L3MBTL4: variants seen among roughly 807,000 people sequenced by gnomAD.
L3MBTL4 encodes the protein L3MBTL histone methyl-lysine binding protein 4.
L3MBTL4 carries 70 observed loss-of-function variants against 84.5 expected under a neutral mutation model. The observed-to-expected ratio is 0.83, with a 90% CI of 0.68 to 1.01. The LOEUF (loss-of-function observed/expected upper bound fraction) is 1.01, where lower values mean the gene tolerates loss of function less well. Among genes scored for constraint, L3MBTL4 ranks in the 50% least tolerant of loss-of-function variants. L3MBTL4 has a pLI of 0.00. For missense variants in L3MBTL4, 715 were observed against 754.8 expected, an observed-to-expected ratio of 0.95 and a Z score of 0.62; for synonymous variants, 274 against 259.8, an observed-to-expected ratio of 1.05 and a Z score of -0.52.
At chr18:6,181,283 C>T (rs897896388) in intron 12 of L3MBTL4, among the ~76,000 whole-genome samples, 5 of 151,850 alleles carry the variant, frequency 3.3e-5, no homozygotes, top group Admixed American at 6.6e-5. Context: ...ATTATTTTGC[C>T]GTCCAGGTAA....
At chr18:6,156,190 A>C (rs1294368076) in intron 13 of L3MBTL4, among the ~76,000 whole-genome samples, 1 of 152,222 alleles carries the variant, frequency 6.6e-6, no homozygotes, top group Non-Finnish European at 1.5e-5. Context: ...CAAAATAGCC[A>C]GACATTGACT....
chr18:6,094,923 CA>C (rs2058581050), intron 14 of L3MBTL4, among the ~76,000 whole-genome samples: 1 of 152,104 alleles, frequency 6.6e-6, no homozygotes, highest in South Asian at 2.1e-4. Flanking sequence ...GGCGCCTTTA[CA>C]TGCATGTTCT....
intron 16 of L3MBTL4, among the ~76,000 whole-genome samples, chr18:6,013,417 T>G (rs1469676495): frequency 6.6e-6 from 1 of 152,210 alleles, no homozygotes; most frequent in Non-Finnish European, 1.5e-5. Context: ...TAAAAAACTT[T>G]CAGTTAAATA....
chr18:6,352,152 G>T (rs1412834369), intron 1 of L3MBTL4, among the ~76,000 whole-genome samples: 1 of 152,126 alleles, frequency 6.6e-6, no homozygotes, highest in South Asian at 2.1e-4. Flanking sequence ...CTCAAAATGT[G>T]GTCACTCTCA....
At position 6,138,261 on chromosome 18, in the gene L3MBTL4, C is replaced by A. The variant is rs1467387997; in HGVS notation, c.1132G>T (p.Val378Phe). ...NDLKILPGQA[V>F]CPTPGCRGIG... ...CCTCGGCACCCGGGAGTAGGACAGA[C>A]AGCTTGACCTGGAAGGATCTTCAGG... is the stretch of plus-strand genomic sequence containing the variant. The change falls in exon 14 of 19, where the codon GTC becomes TTC. Residue 378 changes from valine (V) to phenylalanine (F), a missense_variant. Physicochemically the swap from Val to Phe is conservative, Grantham distance 50. Coordinates refer to ENST00000317931, the MANE Select transcript of L3MBTL4 (RefSeq NM_001330559.2). 6.2e-7 allele frequency: 1 copy of A among 1,613,138 alleles called. No homozygotes were observed. Among genetic ancestry groups the A allele is most frequent in the Non-Finnish European group, 8.5e-7 (1 of 1,179,476 alleles).
chr18:6,198,629 C>A (rs1335985660), intron 12 of L3MBTL4, among the ~76,000 whole-genome samples: 6 of 152,126 alleles, frequency 3.9e-5, no homozygotes, highest in African/African-American at 1.4e-4. Context: ...CCCCAAAAAA[C>A]ATAAATTCTA....
At chr18:6,341,786 G>A (rs1173774880) in intron 1 of L3MBTL4, among the ~76,000 whole-genome samples, 1 of 151,512 alleles carries the variant, frequency 6.6e-6, no homozygotes, top group African/African-American at 2.4e-5. Flanking sequence ...TAAGATCCAG[G>A]AAGTCCAAAG....
chr18:6,174,240 G>A (rs769706329), intron 12 of L3MBTL4, among the ~76,000 whole-genome samples: 9 of 151,910 alleles, frequency 5.9e-5, no homozygotes, highest in Non-Finnish European at 1.3e-4. Context: ...ATGATTGTGA[G>A]CCATACTCAA....
intron 1 of L3MBTL4, among the ~76,000 whole-genome samples, chr18:6,320,680 C>T (rs936184712): frequency 6.6e-6 from 1 of 152,122 alleles, no homozygotes; most frequent in East Asian, 1.9e-4. Flanking sequence ...AAACAATCTA[C>T]AAATTCAATG....
intron 16 of L3MBTL4, among the ~76,000 whole-genome samples, chr18:6,009,574 G>A (rs1377173339): frequency 1.3e-5 from 2 of 152,140 alleles, no homozygotes; most frequent in Admixed American, 1.3e-4. Flanking sequence ...GGATGCTTGA[G>A]TCCCTTATAT....
chr18:5,983,206 T>C (rs1392909387), intron 16 of L3MBTL4, among the ~76,000 whole-genome samples: 1 of 152,238 alleles, frequency 6.6e-6, no homozygotes, highest in African/African-American at 2.4e-5. Context: ...ATGACACTTG[T>C]ATTCAAACCT....
chr18:6,008,063 C>G (rs754935953), intron 16 of L3MBTL4, among the ~76,000 whole-genome samples: 2 of 152,300 alleles, frequency 1.3e-5, no homozygotes, highest in Non-Finnish European at 2.9e-5. Context: ...TTTGCTTTAC[C>G]AGAGGATCTG....
chr18:5,980,430 C>CTTTTTTTT (rs10664833), intron 16 of L3MBTL4, among the ~76,000 whole-genome samples: 3 of 123,026 alleles, frequency 2.4e-5, no homozygotes, highest in African/African-American at 6.2e-5. Context: ...TTAGTTTGCG[C>CTTTTTTTT]TTTTTTTTTT....
chr18:6,339,965 G>A (rs1237911538), intron 1 of L3MBTL4, among the ~76,000 whole-genome samples: 1 of 151,940 alleles, frequency 6.6e-6, no homozygotes, highest in Non-Finnish European at 1.5e-5. Flanking sequence ...CAAGCCCAGA[G>A]AGCTTCACTA....
intron 1 of L3MBTL4, among the ~76,000 whole-genome samples, chr18:6,323,512 T>A (rs2051537872): frequency 6.6e-6 from 1 of 152,238 alleles, no homozygotes; most frequent in African/African-American, 2.4e-5. Flanking sequence ...GGTCACTTTG[T>A]TAAGCACTAG....
intron 16 of L3MBTL4, among the ~76,000 whole-genome samples, chr18:6,050,327 T>C (rs912375888): frequency 1.3e-5 from 2 of 152,188 alleles, no homozygotes; most frequent in African/African-American, 2.4e-5. Flanking sequence ...TTTAGGACCA[T>C]ATAAAATCCT....
chr18:6,000,992 C>T (rs1048627570), intron 16 of L3MBTL4, among the ~76,000 whole-genome samples: 7 of 152,188 alleles, frequency 4.6e-5, no homozygotes, highest in Non-Finnish European at 7.3e-5. Flanking sequence ...GGTGGTAAAT[C>T]ATGGCTAATT....
intron 12 of L3MBTL4, among the ~76,000 whole-genome samples, chr18:6,176,872 G>A (rs1268856646): frequency 6.6e-6 from 1 of 152,094 alleles, no homozygotes; most frequent in East Asian, 1.9e-4. Flanking sequence ...ATTCATGAAT[G>A]ATCAATAAAC....
chr18:6,405,998 T>C (rs1047829383), intron 1 of L3MBTL4, among the ~76,000 whole-genome samples: 1 of 146,228 alleles, frequency 6.8e-6, no homozygotes, highest in African/African-American at 2.4e-5. Flanking sequence ...AATGAATGAA[T>C]GTACTCTTAC....
Sources: gnomAD v4.1 joint callset for allele counts (sites outside exome capture counted in the v4.1 genomes callset) on GRCh38, gnomAD v4.1.1 for gene constraint, MANE v1.5 for transcripts, NCBI Gene and HGNC (gene_info 2026-07-23, HGNC 2026-07-21) for gene names.